Variants in DLGAP1 observed in about 807,000 individuals in gnomAD.
The protein encoded by DLGAP1 is DLG associated protein 1, also known as disks large-associated protein 1.
Under a neutral mutation model 90.8 loss-of-function variants are expected in DLGAP1, and 11 were observed. The observed-to-expected ratio is 0.12, with a 90% confidence interval of 0.08 to 0.20. The LOEUF (loss-of-function observed/expected upper bound fraction) is 0.20. DLGAP1 is among the 10% of genes least tolerant of loss of function. The pLI is 1.00. For missense variants in DLGAP1, 1,050 were observed against 1,333.8 expected, an observed-to-expected ratio of 0.79 and a Z score of 3.31; for synonymous variants, 558 against 540.7, an observed-to-expected ratio of 1.03 and a Z score of -0.44.
At chr18:3,511,972 A>G (rs959463303) in intron 10 of DLGAP1, among the ~76,000 whole-genome samples, 3 of 152,118 alleles carry the variant, frequency 2.0e-5, no homozygotes, top group Non-Finnish European at 4.4e-5. Context: ...AGTAGCACCC[A>G]TAGTCAACAT....
chr18:3,752,549 CCCTT>C (rs1468413162), intron 5 of DLGAP1, among the ~76,000 whole-genome samples: 10 of 134,948 alleles, frequency 7.4e-5, no homozygotes, highest in Admixed American at 1.6e-4. Flanking sequence ...CTCCCTCCCT[CCCTT>C]CCTTCCTTCT....
intron 7 of DLGAP1, among the ~76,000 whole-genome samples, chr18:3,649,845 A>G (rs1022988386): frequency 1.3e-5 from 2 of 152,216 alleles, no homozygotes; most frequent in South Asian, 2.1e-4. Flanking sequence ...GATGAGGTCA[A>G]TGGTTGGTCA....
rs1486317284 is a variant in DLGAP1, at chr18:4,342,657, T to C, written c.-267+112349A>G. Among the ~76,000 whole-genome samples the C allele has an allele frequency of 6.6e-6, 1 of 152,172 alleles. No homozygotes were observed. The highest frequency in any genetic ancestry group is 1.5e-5 in the Non-Finnish European group (1 of 68,032). Reference sequence around the variant, plus strand: ...CTATTGAAAATGTATTTGTTTTGGTTTTGGTTAATACTACATTTGCCACAA... The same window carrying C: ...CTATTGAAAATGTATTTGTTTTGGTCTTGGTTAATACTACATTTGCCACAA... On this transcript the variant is annotated intron_variant, in intron 1 of 12. Coordinates refer to ENST00000315677, the MANE Select transcript of DLGAP1 (RefSeq NM_004746.4). This position sits in a 1 kb window ranked among gnomAD's most constrained non-coding sequence, Gnocchi z 5.8.
rs1386755081 is a variant in DLGAP1 at position 4,036,356 on chromosome 18, ACT to A, written c.-158-31157_-158-31156del. ...GAATCTTGGAGAGCATTTAATTAAA[ACT>A]CTTACATTTAAAATGAAGAAACTGA... On this transcript the variant is annotated intron_variant, in intron 2 of 12. Coordinates refer to ENST00000315677, the MANE Select transcript of DLGAP1 (RefSeq NM_004746.4). 3.9e-5 allele frequency among the ~76,000 whole-genome samples: 6 copies of A among 152,116 alleles called. No homozygotes were observed. The South Asian group carries it at 1.2e-3, about 32-fold the overall frequency.
rs966542223 is a variant in DLGAP1 at position 3,590,260 on chromosome 18, C to T, written c.1592-8012G>A. Among the ~76,000 whole-genome samples the T allele has an allele frequency of 2.6e-5, 4 of 152,236 alleles. 1 individual carries two copies. The highest frequency in any genetic ancestry group is 6.8e-3 in the Middle Eastern group (2 of 294). ...TAAAATCTAATGGGGTTGACAGAAG[C>T]GTGCTGGAACTGGCCCTTCTCAGCT... is the stretch of plus-strand genomic sequence containing the variant. On this transcript the variant is annotated intron_variant, in intron 7 of 12. Coordinates refer to ENST00000315677, the MANE Select transcript of DLGAP1 (RefSeq NM_004746.4).
In DLGAP1 at chr18:3,534,414, G is replaced by A. The variant is rs759588032; in HGVS notation, c.2259C>T (p.Ala753=). Residue 753 remains alanine, a synonymous_variant, in exon 10 of 13, where the codon GCC becomes GCT. Transcript: ENST00000315677. ...GSGNHYHACA[A]DDDFDTDFDP... is the part of the protein sequence containing the mutation. ...CAAAATCCGTGTCAAAGTCATCATC[G>A]GCGGCACAGGCATGGTAATGGTTTC... The A allele has an allele frequency of 1.2e-5, 20 of 1,614,042 alleles. No individual in the cohort carries two copies. Among genetic ancestry groups the A allele is most frequent in the African/African-American group, 2.7e-5 (2 of 74,932 alleles).
chr18:4,023,547 G>T (rs1389265478), intron 2 of DLGAP1, among the ~76,000 whole-genome samples: 1 of 152,032 alleles, frequency 6.6e-6, no homozygotes, highest in Non-Finnish European at 1.5e-5. Context: ...TATGTCTCTT[G>T]TCATAACCTG....
chr18:3,881,693 C>T lies in DLGAP1; in HGVS notation c.-72-1553G>A, dbSNP rs150012979. Among the ~76,000 whole-genome samples, 1,393 of 152,294 alleles carry T rather than the reference C, an allele frequency of 9.1e-3. 13 individuals are homozygous for T. The highest frequency in any genetic ancestry group is 0.016 in the Non-Finnish European group (1,066 of 68,028). On this transcript the variant is annotated intron_variant, in intron 3 of 12. Coordinates refer to ENST00000315677, the MANE Select transcript of DLGAP1 (RefSeq NM_004746.4). Reference sequence around the variant, plus strand: ...CTTTGGGAGGCCGAGGCAGGTGGATCACGAGGTCAGGAGATCGAGACCATC... The same window carrying T: ...CTTTGGGAGGCCGAGGCAGGTGGATTACGAGGTCAGGAGATCGAGACCATC...
intron 3 of DLGAP1, among the ~76,000 whole-genome samples, chr18:3,952,187 C>G (rs1332569147): frequency 1.3e-5 from 2 of 152,154 alleles, no homozygotes; most frequent in African/African-American, 4.8e-5. Context: ...TAACATGACT[C>G]AGATCATACA....
chr18:4,426,046 T>C (rs1344715784), intron 1 of DLGAP1, among the ~76,000 whole-genome samples: 2 of 152,076 alleles, frequency 1.3e-5, no homozygotes, highest in Admixed American at 6.6e-5. Flanking sequence ...GGAAAAGCAA[T>C]AGCAAAAGGA....
At chr18:4,081,983 G>A (rs112298201) in intron 2 of DLGAP1, among the ~76,000 whole-genome samples, 12,872 of 152,044 alleles carry the variant, frequency 0.085, 678 homozygotes, top group Non-Finnish European at 0.12. Flanking sequence ...TGAGGTGGGC[G>A]GATCACCTGA....
chr18:3,968,413 T>C (rs1043426306), intron 3 of DLGAP1, among the ~76,000 whole-genome samples: 4 of 152,190 alleles, frequency 2.6e-5, no homozygotes, highest in Non-Finnish European at 4.4e-5. Context: ...CAGTGTGTCA[T>C]TAGCTCATGG....
chr18:3,827,370 G>C (rs759325109), intron 4 of DLGAP1, among the ~76,000 whole-genome samples: 1 of 152,124 alleles, frequency 6.6e-6, no homozygotes, highest in Non-Finnish European at 1.5e-5. Flanking sequence ...GTGTGTTGTC[G>C]GTCCTGGAAG....
intron 3 of DLGAP1, among the ~76,000 whole-genome samples, chr18:3,891,647 T>C (rs2071461928): frequency 1.3e-5 from 2 of 152,302 alleles, no homozygotes; most frequent in East Asian, 1.9e-4. Context: ...GCACGTGTTG[T>C]CCACTTTAAA....
chr18:3,749,147 T>TC (rs1491111203), intron 5 of DLGAP1, among the ~76,000 whole-genome samples: 1 of 138,212 alleles, frequency 7.2e-6, no homozygotes. Flanking sequence ...TTCTTCTTCT[T>TC]CTTTTTTTTT....
chr18:3,751,603 G>C (rs1266883420), intron 5 of DLGAP1, among the ~76,000 whole-genome samples: 1 of 149,832 alleles, frequency 6.7e-6, no homozygotes, highest in Non-Finnish European at 1.5e-5. Context: ...CTGTCACCCA[G>C]GCTGGAGTGC....
At chr18:4,112,288 T>G (rs910434389) in intron 2 of DLGAP1, among the ~76,000 whole-genome samples, 6 of 152,144 alleles carry the variant, frequency 3.9e-5, no homozygotes, top group African/African-American at 1.4e-4. Context: ...AAAAATAATT[T>G]TTTATTATTT....
chr18:3,811,224 G>C (rs2066823695), intron 5 of DLGAP1, among the ~76,000 whole-genome samples: 1 of 152,186 alleles, frequency 6.6e-6, no homozygotes, highest in South Asian at 2.1e-4. Context: ...AACGAATGGA[G>C]GTAAGTGGAA....
chr18:4,221,598 T>C (rs962604497), intron 1 of DLGAP1, among the ~76,000 whole-genome samples: 1 of 152,184 alleles, frequency 6.6e-6, no homozygotes, highest in Non-Finnish European at 1.5e-5. Context: ...TGCTTCACCC[T>C]GGTCCTGGAA....
Sources: allele counts gnomAD v4.1 joint callset (sites outside exome capture counted in the v4.1 genomes callset), GRCh38; gene constraint gnomAD v4.1.1; non-coding constraint Gnocchi (gnomAD v3.1); transcripts MANE v1.5; gene names NCBI Gene and HGNC (gene_info 2026-07-23, HGNC 2026-07-21).